Variants in DAP observed in about 807,000 individuals in gnomAD.
The protein encoded by DAP is death-associated protein 1.
DAP carries 8 observed loss-of-function variants against 13.8 expected under a neutral mutation model. That is an observed-to-expected ratio of 0.58 (90% CI 0.34 to 1.05). The LOEUF (loss-of-function observed/expected upper bound fraction) is 1.05, where lower values mean the gene tolerates loss of function less well. DAP is among the 50% of genes least tolerant of loss of function. DAP has a pLI of 0.03. For synonymous variants in DAP, 47 were observed against 47.5 expected, an observed-to-expected ratio of 0.99 and a Z score of 0.04; for missense variants, 106 against 133.2, an observed-to-expected ratio of 0.80 and a Z score of 1.01.
intron 2 of DAP, among the ~76,000 whole-genome samples, chr5:10,709,285 A>T (rs1738780722): frequency 1.3e-5 from 2 of 152,240 alleles, no homozygotes; most frequent in African/African-American, 2.4e-5. Context: ...TCCTATAAAA[A>T]CCCAGGTGAG....
chr5:10,698,797 T>C (rs1411620097), intron 2 of DAP, among the ~76,000 whole-genome samples: 1 of 152,216 alleles, frequency 6.6e-6, no homozygotes, highest in Non-Finnish European at 1.5e-5. Flanking sequence ...AGAGACTTTA[T>C]TCCAGTGAAC....
In DAP at chr5:10,686,837, TTTCAA is replaced by T. The variant is rs1371761888; in HGVS notation, c.153-3271_153-3267del. On this transcript the variant is annotated intron_variant, in intron 2 of 3. Coordinates refer to ENST00000230895, the MANE Select transcript of DAP (RefSeq NM_004394.3). Reference sequence around the variant, plus strand: ...AAAGTGGCCACACTAAACAACAGATTTTCAATGTTGACAAAACAGCCTTTTATTGG... The same window carrying T: ...AAAGTGGCCACACTAAACAACAGATTTGTTGACAAAACAGCCTTTTATTGG... Among the ~76,000 whole-genome samples, 5 of 152,310 alleles carry T rather than the reference TTTCAA, an allele frequency of 3.3e-5. No homozygotes were observed. The East Asian group carries it at 9.6e-4, about 29-fold the overall frequency.
At chr5:10,737,614 C>T (rs1019012286) in intron 2 of DAP, among the ~76,000 whole-genome samples, 2 of 152,214 alleles carry the variant, frequency 1.3e-5, no homozygotes, top group African/African-American at 4.8e-5. Flanking sequence ...CCCAGGCATA[C>T]ATGCCTGAGA....
intron 1 of DAP, 128 bp downstream of exon 1, chr5:10,760,886 G>T: frequency 2.0e-6 from 1 of 490,312 alleles, no homozygotes; most frequent in Non-Finnish European, 3.0e-6. Context: ...CCCCTCGGGC[G>T]GGCATCAAGG....
At chr5:10,683,243 C>G in intron 3 of DAP, 1 of 500,456 alleles carries the variant, frequency 2.0e-6, no homozygotes, top group Non-Finnish European at 3.6e-6. Context: ...GGGTTCACTG[C>G]GGGGGTTTGC....
In DAP at chr5:10,744,001, A is replaced by G. The variant is rs527415130; in HGVS notation, c.152+4174T>C. ...TAAAGGGAATAAGAGTTGCATAAAC[A>G]ATTGCAAGAAAAATAACTAGTAAAA... On this transcript the variant is annotated intron_variant, in intron 2 of 3. Transcript: ENST00000230895. Among the ~76,000 whole-genome samples, 3 of 152,354 alleles carry G rather than the reference A, an allele frequency of 2.0e-5. No homozygotes were observed. The South Asian group carries it at 6.2e-4, about 32-fold the overall frequency.
At chr5:10,753,426 G>A (rs931863950) in intron 1 of DAP, among the ~76,000 whole-genome samples, 1 of 152,260 alleles carries the variant, frequency 6.6e-6, no homozygotes, top group Non-Finnish European at 1.5e-5. Context: ...CTAGATAAGG[G>A]AAGGTGAGTT....
intron 2 of DAP, among the ~76,000 whole-genome samples, chr5:10,718,332 C>A (rs982011204): frequency 1.3e-5 from 2 of 152,222 alleles, no homozygotes; most frequent in Non-Finnish European, 2.9e-5. Flanking sequence ...GTCAATCCCC[C>A]AGTGCCAGGC....
intron 1 of DAP, among the ~76,000 whole-genome samples, chr5:10,756,916 A>AGC (rs3839214): frequency 1.3e-5 from 2 of 152,136 alleles, no homozygotes; most frequent in African/African-American, 2.4e-5. Flanking sequence ...TCAAACAAGC[A>AGC]CTCACCCCAT....
At chr5:10,709,895 C>T (rs933216937) in intron 2 of DAP, among the ~76,000 whole-genome samples, 2 of 152,192 alleles carry the variant, frequency 1.3e-5, no homozygotes, top group Non-Finnish European at 2.9e-5. Flanking sequence ...CCCAGGGCAT[C>T]GGTATGGATT....
At chr5:10,731,877 G>T (rs1739469659) in intron 2 of DAP, among the ~76,000 whole-genome samples, 1 of 152,228 alleles carries the variant, frequency 6.6e-6, no homozygotes, top group Non-Finnish European at 1.5e-5. Context: ...GGAGGCAGCT[G>T]CTCTAGGAGG....
At chr5:10,738,494 A>C (rs1241585506) in intron 2 of DAP, among the ~76,000 whole-genome samples, 1 of 152,250 alleles carries the variant, frequency 6.6e-6, no homozygotes, top group Non-Finnish European at 1.5e-5. Context: ...GCTTCTGTGC[A>C]GCCCCTGCCC....
chr5:10,686,345 T>C (rs1738153643), intron 2 of DAP, among the ~76,000 whole-genome samples: 1 of 152,194 alleles, frequency 6.6e-6, no homozygotes, highest in South Asian at 2.1e-4. Flanking sequence ...TGCATGTCTC[T>C]CACTTTCAAT....
At chr5:10,690,108 CTGCACTT>C (rs1371025483) in intron 2 of DAP, among the ~76,000 whole-genome samples, 1 of 88,910 alleles carries the variant, frequency 1.1e-5, no homozygotes, top group African/African-American at 4.8e-5. Context: ...TGCTTTAAGA[CTGCACTT>C]TTTACACAAT....
chr5:10,681,185 GA>G lies in DAP; in HGVS notation c.196-17del, dbSNP rs1561003160. 1.4e-6 allele frequency: 2 copies of G among 1,478,150 alleles called. No individual in the cohort carries two copies. The highest frequency in any genetic ancestry group is 1.8e-6 in the Non-Finnish European group (2 of 1,113,850). 91.6% of individuals were successfully genotyped at this position (1,478,150 alleles called of 1,614,324 possible). ...CTTTGTCACCCTGTCAGGAAACACG[GA>G]AAGCTCAGGTTAATCAATAGGAAGC... On this transcript the variant is annotated splice_polypyrimidine_tract_variant and intron_variant, in intron 3 of 3. Transcript: ENST00000230895.
chr5:10,736,487 T>C (rs1472979536), intron 2 of DAP, among the ~76,000 whole-genome samples: 1 of 152,220 alleles, frequency 6.6e-6, no homozygotes, highest in African/African-American at 2.4e-5. Flanking sequence ...GATGTCATCC[T>C]GCATGGGGCT....
In DAP at chr5:10,681,451, C is replaced by T. The variant is rs936324285; in HGVS notation, c.196-282G>A. Among the ~76,000 whole-genome samples, 30 of 126,294 alleles carry T rather than the reference C, an allele frequency of 2.4e-4. 1 individual carries two copies. Among genetic ancestry groups the T allele is most frequent in the African/African-American group, 8.2e-4 (27 of 32,884 alleles). The allele number at this position is 126,294 out of a possible 152,430, so 82.9% of individuals were successfully genotyped here. A position where few individuals can be genotyped will look rare whatever the true frequency, so the allele number is the denominator to read the frequency against. On this transcript the variant is annotated intron_variant, in intron 3 of 3. Coordinates refer to ENST00000230895, the MANE Select transcript of DAP (RefSeq NM_004394.3). ...ACCAGCGTCCCTGCAGGAAGCATGG[C>T]GGTTGTATGTGAGGAACGTCCAGGC...
chr5:10,722,530 G>GCATATATATACATATATA (rs1561022327), intron 2 of DAP, among the ~76,000 whole-genome samples: 1 of 146,818 alleles, frequency 6.8e-6, no homozygotes, highest in African/African-American at 2.5e-5. Flanking sequence ...ACATATACAT[G>GCATATATATACATATATA]CATATATATA....
Position 10,680,691 on chromosome 5 carries a change from C to A in DAP, c.*365G>T. 1 of 1,517,780 alleles carries A rather than the reference C, an allele frequency of 6.6e-7. No individual in the cohort carries two copies. The highest frequency in any genetic ancestry group is 8.8e-7 in the Non-Finnish European group (1 of 1,132,094). 94.0% of individuals were successfully genotyped at this position (1,517,780 alleles called of 1,614,324 possible). ...TGCAATGACTGAGGTTTTCTCCTAA[C>A]CTTAATCTCATCTTCTCAAATGTGT... On this transcript the variant is annotated 3_prime_UTR_variant, in exon 4 of 4. Coordinates refer to ENST00000230895, the MANE Select transcript of DAP (RefSeq NM_004394.3).
Sources: allele counts gnomAD v4.1 joint callset (sites outside exome capture counted in the v4.1 genomes callset), GRCh38; gene constraint gnomAD v4.1.1; transcripts MANE v1.5; gene names NCBI Gene and HGNC (gene_info 2026-07-23, HGNC 2026-07-21).